The following XPR1 variants were observed in gnomAD, a reference collection of about 807,000 sequenced individuals.
XPR1 encodes xenotropic and polytropic retrovirus receptor 1, also known as solute carrier family 53 member 1.
XPR1 carries 28 observed loss-of-function variants against 87.5 expected under a neutral mutation model. That is an observed-to-expected ratio of 0.32 (90% CI 0.24 to 0.44). XPR1 has a LOEUF of 0.44. Among genes scored for constraint, XPR1 ranks in the 20% least tolerant of loss-of-function variants. XPR1 has a pLI of 1.00. For missense variants in XPR1, 559 were observed against 862.3 expected, an observed-to-expected ratio of 0.65 and a Z score of 4.41; for synonymous variants, 300 against 306.1, an observed-to-expected ratio of 0.98 and a Z score of 0.21.
At chr1:180,858,705 T>C (rs533884105) in intron 11 of XPR1, among the ~76,000 whole-genome samples, 47 of 152,284 alleles carry the variant, frequency 3.1e-4, no homozygotes, top group South Asian at 4.1e-4. Flanking sequence ...TTAAATCTAG[T>C]TATCTTTCCA....
chr1:180,635,716 T>C (rs1654737239), intron 1 of XPR1, among the ~76,000 whole-genome samples: 1 of 152,208 alleles, frequency 6.6e-6, no homozygotes. Flanking sequence ...CTCTTGAGCA[T>C]GTGTAAGCAT....
intron 1 of XPR1, among the ~76,000 whole-genome samples, chr1:180,642,309 C>T (rs1654986382): frequency 1.3e-5 from 2 of 152,058 alleles, no homozygotes; most frequent in South Asian, 4.1e-4. Context: ...AAGAGTGTAT[C>T]CTTTACCTGT....
rs35751561 is a variant in XPR1 at position 180,704,245 on chromosome 1, GATATATATATATAT to G, written c.121+21853_121+21866del. ...TTTCTCAAGAACACTATAGGTGCTG[GATATATATATATAT>G]ATATATATATATATATATTATCAGA... On this transcript the variant is annotated intron_variant, in intron 2 of 14. Coordinates refer to ENST00000367590, the MANE Select transcript of XPR1 (RefSeq NM_004736.4). Among the ~76,000 whole-genome samples, 162 of 66,028 alleles carry G rather than the reference GATATATATATATAT, an allele frequency of 2.5e-3. 1 individual carries two copies. The highest frequency in any genetic ancestry group is 0.015 in the East Asian group (42 of 2,786). The allele number at this position is 66,028 out of a possible 152,430, so 43.3% of individuals were successfully genotyped here. A position where few individuals can be genotyped will look rare whatever the true frequency, so the allele number is the denominator to read the frequency against.
chr1:180,683,060 G>A (rs1656636986), intron 2 of XPR1, among the ~76,000 whole-genome samples: 1 of 151,936 alleles, frequency 6.6e-6, no homozygotes, highest in South Asian at 2.1e-4. Context: ...CCATGTTGGT[G>A]TGCTGCACCC....
At chr1:180,703,994 T>C (rs1263128002) in intron 2 of XPR1, among the ~76,000 whole-genome samples, 1 of 151,880 alleles carries the variant, frequency 6.6e-6, no homozygotes, top group Non-Finnish European at 1.5e-5. Flanking sequence ...TTTTCTTGAA[T>C]TTTTGGTTTG....
At position 180,632,138 on chromosome 1, in the gene XPR1, G is replaced by T. The variant is rs1654603781; in HGVS notation, c.-64G>T. On this transcript the variant is annotated 5_prime_UTR_variant, in exon 1 of 15. Transcript: ENST00000367590. ...GGGGCCCATGTGGGGAGGAGTCGGAGTCGCTGTTGCCGCCGCCGCCTGTAG... is the reference window on the plus strand; with the variant it reads ...GGGGCCCATGTGGGGAGGAGTCGGATTCGCTGTTGCCGCCGCCGCCTGTAG... 4 of 1,557,236 alleles carry T rather than the reference G, an allele frequency of 2.6e-6. No homozygotes were observed. Among genetic ancestry groups the T allele is most frequent in the Non-Finnish European group, 3.5e-6 (4 of 1,148,754 alleles).
intron 2 of XPR1, among the ~76,000 whole-genome samples, chr1:180,750,929 C>T (rs1237086234): frequency 6.6e-6 from 1 of 151,998 alleles, no homozygotes; most frequent in Non-Finnish European, 1.5e-5. Flanking sequence ...GTCTTAGCAA[C>T]ATTTTTAGTT....
intron 1 of XPR1, among the ~76,000 whole-genome samples, chr1:180,642,748 A>G (rs1480227807): frequency 6.6e-6 from 1 of 152,138 alleles, no homozygotes; most frequent in Non-Finnish European, 1.5e-5. Context: ...TGGTCTCCTG[A>G]TCACAGTATG....
intron 1 of XPR1, among the ~76,000 whole-genome samples, chr1:180,656,911 C>T (rs1315744626): frequency 6.6e-6 from 1 of 151,566 alleles, no homozygotes; most frequent in Non-Finnish European, 1.5e-5. Flanking sequence ...TGAGGAAGCT[C>T]CAGACTGTTC....
chr1:180,777,153 G>T lies in XPR1; in HGVS notation c.122-10600G>T, dbSNP rs74500838. Among the ~76,000 whole-genome samples the T allele has an allele frequency of 3.6e-3, 553 of 152,260 alleles. 3 individuals carry two copies. Among genetic ancestry groups the T allele is most frequent in the Non-Finnish European group, 3.5e-3 (241 of 68,022 alleles). ...TTGGCAACAGAACCATATCTAGTCT[G>T]CACTAAAACCTACTGATTTTACCTC... On this transcript the variant is annotated intron_variant, in intron 2 of 14. Coordinates refer to ENST00000367590, the MANE Select transcript of XPR1 (RefSeq NM_004736.4).
chr1:180,802,608 AACC>A (rs1379713247), intron 3 of XPR1, among the ~76,000 whole-genome samples: 1 of 152,226 alleles, frequency 6.6e-6, no homozygotes, highest in East Asian at 1.9e-4. Flanking sequence ...AAGGTTGTAC[AACC>A]ATCACTACCA....
At chr1:180,802,095 C>T (rs1002830563) in intron 3 of XPR1, among the ~76,000 whole-genome samples, 4 of 151,386 alleles carry the variant, frequency 2.6e-5, no homozygotes, top group African/African-American at 7.3e-5. Context: ...TGCACCCAGC[C>T]GGTCCCTTGG....
chr1:180,877,571 C>T (rs745746947), intron 13 of XPR1, among the ~76,000 whole-genome samples: 2 of 152,110 alleles, frequency 1.3e-5, no homozygotes, highest in African/African-American at 2.4e-5. Context: ...AATCAATGAA[C>T]TCTCTGGAAG....
Position 180,632,190 on chromosome 1 carries a change from G to A in XPR1, c.-12G>A. 5.0e-6 allele frequency: 8 copies of A among 1,603,924 alleles called. No individual in the cohort carries two copies. Among genetic ancestry groups the A allele is most frequent in the Non-Finnish European group, 6.8e-6 (8 of 1,175,276 alleles). ...TGCTGGACCCGAGTGGGAGTGAGGGGGAAACGGCAGGATGAAGTTCGCCGA... is the reference window on the plus strand; with the variant it reads ...TGCTGGACCCGAGTGGGAGTGAGGGAGAAACGGCAGGATGAAGTTCGCCGA... On this transcript the variant is annotated 5_prime_UTR_variant, in exon 1 of 15. Transcript: ENST00000367590.
chr1:180,883,223 C>T, intron 14 of XPR1, among the ~76,000 whole-genome samples: 1 of 150,676 alleles, frequency 6.6e-6, no homozygotes, highest in Non-Finnish European at 1.5e-5. Flanking sequence ...ATGTCAGCCT[C>T]CCAAGGAGCT....
At chr1:180,763,505 A>G (rs987880640) in intron 2 of XPR1, among the ~76,000 whole-genome samples, 1 of 152,212 alleles carries the variant, frequency 6.6e-6, no homozygotes, top group Non-Finnish European at 1.5e-5. Context: ...GACATTTTTA[A>G]CATCAGTACT....
At chr1:180,800,633 A>G (rs1361840258) in intron 3 of XPR1, among the ~76,000 whole-genome samples, 2 of 152,214 alleles carry the variant, frequency 1.3e-5, no homozygotes, top group African/African-American at 2.4e-5. Context: ...TTAAGGCACT[A>G]TGTGTGTGGT....
Position 180,880,411 on chromosome 1 carries a change from A to G in XPR1, c.2030+114A>G. 4.4e-6 allele frequency: 5 copies of G among 1,127,236 alleles called. No homozygotes were observed. In the South Asian group the frequency reaches 7.5e-5, roughly 17 times the overall value. 69.8% of individuals were successfully genotyped at this position (1,127,236 alleles called of 1,614,324 possible). ...CAAATGAAATTGCCAATACTCAGCC[A>G]TTTTTCACCTACAAAAAAACAGTAA... is the stretch of plus-strand genomic sequence containing the variant. On this transcript the variant is annotated intron_variant, in intron 14 of 14. Coordinates refer to ENST00000367590, the MANE Select transcript of XPR1 (RefSeq NM_004736.4).
intron 2 of XPR1, among the ~76,000 whole-genome samples, chr1:180,732,854 G>A (rs1658603573): frequency 6.6e-6 from 1 of 152,222 alleles, no homozygotes; most frequent in African/African-American, 2.4e-5. Flanking sequence ...TCACACTTGG[G>A]CTTGGAGAAT....
Sources: allele counts gnomAD v4.1 joint callset (sites outside exome capture counted in the v4.1 genomes callset), GRCh38; gene constraint gnomAD v4.1.1; transcripts MANE v1.5; gene names NCBI Gene and HGNC (gene_info 2026-07-23, HGNC 2026-07-21).